PLXNA3: variants seen among roughly 807,000 people sequenced by gnomAD.
PLXNA3 encodes the protein plexin A3.
In PLXNA3, 52 loss-of-function variants were observed where a neutral mutation model predicts 118.8. That is an observed-to-expected ratio of 0.44 (90% CI 0.35 to 0.55). The LOEUF is 0.55. PLXNA3 is among the 20% of genes least tolerant of loss of function. PLXNA3 has a pLI of 0.01. For synonymous variants in PLXNA3, 925 were observed against 762.4 expected (o/e 1.21, Z -3.51); for missense variants, 1,660 against 1,730.8 (o/e 0.96, Z 0.73).
At chrX:154,472,091 AGAGGG>A (rs782341046) in intron 32 of PLXNA3, among the ~76,000 whole-genome samples, 5 of 111,002 alleles carry the variant, frequency 4.5e-5, no homozygotes, top group Non-Finnish European at 9.5e-5. Context: ...CAGGACACAA[AGAGGG>A]GAGGGGAGGG....
chrX:154,460,139 C>A lies in PLXNA3; in HGVS notation c.-27-18C>A, dbSNP rs371884925. On this transcript the variant is annotated intron_variant, in intron 1 of 32. Coordinates refer to ENST00000369682, the MANE Select transcript of PLXNA3 (RefSeq NM_017514.5). ...TGTGGCTCGAGGCCTCTGACTCCCA[C>A]ACACCGTCTCTCCCTAGGCCTGTCC... 3.2e-6 allele frequency: 3 copies of A among 951,629 alleles called. No individual in the cohort carries two copies. Among genetic ancestry groups the A allele is most frequent in the Non-Finnish European group, 4.4e-6 (3 of 675,103 alleles). 78.4% of individuals were successfully genotyped at this position (951,629 alleles called of 1,213,427 possible). A position where few individuals can be genotyped will look rare whatever the true frequency, so the allele number is the denominator to read the frequency against.
chrX:154,460,191 C>G lies in PLXNA3; in HGVS notation c.8C>G (p.Ser3Cys), dbSNP rs1426027299. The G allele has an allele frequency of 8.3e-7, 1 of 1,202,704 alleles. No homozygotes were observed. The highest frequency in any genetic ancestry group is 1.7e-5 in the African/African-American group (1 of 57,812). MP[S>C]VCLLLLLFLA... is the part of the protein sequence containing the mutation. ...CAGGCGCGGCTGCCGGCCATGCCCT[C>G]TGTCTGCCTCCTCCTGCTGCTCTTC... Residue 3 changes from serine to cysteine, a missense_variant, in exon 2 of 33, where the codon TCT becomes TGT. Physicochemically the swap from Ser to Cys is moderately radical, Grantham distance 112. Coordinates refer to ENST00000369682, the MANE Select transcript of PLXNA3 (RefSeq NM_017514.5).
intron 1 of PLXNA3, among the ~76,000 whole-genome samples, chrX:154,459,166 T>A (rs1240985543): frequency 5.0e-5 from 4 of 80,511 alleles, no homozygotes; most frequent in South Asian, 6.4e-4. Context: ...CACCCCCCGC[T>A]CCCCCCCCGC....
intron 5 of PLXNA3, 35 bp from the exon 6 acceptor site, chrX:154,463,555 G>A (rs782128747): frequency 2.1e-4 from 248 of 1,162,566 alleles, no homozygotes; most frequent in Middle Eastern, 9.7e-4. Context: ...GTGGTGGGGC[G>A]GGGGTGGGCT....
chrX:154,465,626 G>A (rs2069068709), intron 12 of PLXNA3, 31 bp from the exon 13 acceptor site: 2 of 1,195,734 alleles, frequency 1.7e-6, no homozygotes, highest in South Asian at 3.5e-5. Flanking sequence ...GCCACTGCCT[G>A]CTCCGTCAGC....
Position 154,472,746 on chromosome X carries a change from G to A in PLXNA3, c.*61G>A. ...CTGTGCCGTCCTCCCATCCAGGGGA[G>A]TGGCTGGCTCAAGCCTGGGTCCCCG... On this transcript the variant is annotated 3_prime_UTR_variant, in exon 33 of 33. Transcript: ENST00000369682. 1.1e-6 allele frequency: 1 copy of A among 902,113 alleles called. No homozygotes were observed. The highest frequency in any genetic ancestry group is 1.6e-6 in the Non-Finnish European group (1 of 617,496). The allele number at this position is 902,113 out of a possible 1,213,427, so 74.3% of individuals were successfully genotyped here. A position where few individuals can be genotyped will look rare whatever the true frequency, so the allele number is the denominator to read the frequency against.
chrX:154,466,589 C>A, intron 16 of PLXNA3, 34 bp from the exon 17 acceptor site: 1 of 1,190,608 alleles, frequency 8.4e-7, no homozygotes, highest in Non-Finnish European at 1.1e-6. Context: ...GGGCCCTGGG[C>A]CACCCGCTCC....
At position 154,469,988 on chromosome X, in the gene PLXNA3, C is replaced by T. The variant is rs1037029783; in HGVS notation, c.4807C>T (p.Arg1603Cys). ...ATTCTCTGCTCCAGAGAGCTTGCTC[C>T]GCACGGCCAGCAGCCCTGATAGCCT... ...RSLSRYESLL[R>C]TASSPDSLRS... Residue 1603 changes from arginine to cysteine, a missense_variant, in exon 29 of 33, where the codon CGC (arginine) becomes TGC (cysteine). Transcript: ENST00000369682. 8 of 1,209,690 alleles carry T rather than the reference C, an allele frequency of 6.6e-6. No homozygotes were observed. The highest frequency in any genetic ancestry group is 3.0e-5 in the East Asian group (1 of 33,791).
chrX:154,462,089 G>A (rs782655373), intron 3 of PLXNA3, 39 bp from the exon 4 acceptor site: 1 of 1,115,202 alleles, frequency 9.0e-7, no homozygotes, highest in Non-Finnish European at 1.2e-6. Context: ...TTGCGCCTGG[G>A]AGCTTTGACT....
intron 4 of PLXNA3, among the ~76,000 whole-genome samples, chrX:154,463,110 G>A (rs967896366): frequency 7.2e-5 from 8 of 111,183 alleles, no homozygotes; most frequent in Admixed American, 2.9e-4. Flanking sequence ...CACAACCATC[G>A]CCACTACCTC....
At position 154,461,478 on chromosome X, in the gene PLXNA3, A is replaced by C. The variant is rs781972092; in HGVS notation, c.974A>C (p.Gln325Pro). ...CTCTTCACCATCTTCTCTCAGGGCCAGAAGAACCGGGCCAGCCCACCCCGG... is the reference window on the plus strand; with the variant it reads ...CTCTTCACCATCTTCTCTCAGGGCCCGAAGAACCGGGCCAGCCCACCCCGG... ...DVLFTIFSQGQKNRASPPRQT... is the reference protein window; with the variant it reads ...DVLFTIFSQGPKNRASPPRQT... Residue 325 changes from glutamine (Q) to proline (P), a missense_variant, in exon 3 of 33, where the codon CAG becomes CCG. This residue lies in a region of PLXNA3 where 791 missense variants were observed against 652.1 expected (regional missense o/e 1.21). Transcript: ENST00000369682. 2.8e-5 allele frequency: 34 copies of C among 1,210,960 alleles called. No homozygotes were observed. Among genetic ancestry groups the C allele is most frequent in the Non-Finnish European group, 6.7e-6 (6 of 895,330 alleles).
In PLXNA3 at chrX:154,460,571, A is replaced by G. The variant is rs1488128306; in HGVS notation, c.388A>G (p.Lys130Glu). The change falls in exon 2 of 33, where the codon AAG (lysine) becomes GAG (glutamate). Residue 130 changes from lysine (K) to glutamate (E), a missense_variant. This residue lies in a region of PLXNA3 where 791 missense variants were observed against 652.1 expected (regional missense o/e 1.21). Transcript: ENST00000369682. ...CQFLRLDDLF[K>E]LGEPHHRKEH... is the part of the protein sequence containing the mutation. ...GTTCCTGCGTCTGGACGACCTCTTC[A>G]AGCTGGGTGAGCCGCACCACCGCAA... 1 of 1,207,401 alleles carries G rather than the reference A, an allele frequency of 8.3e-7. No homozygotes were observed. The highest frequency in any genetic ancestry group is 1.1e-6 in the Non-Finnish European group (1 of 893,446).
In PLXNA3 at chrX:154,468,175, G is replaced by A. The variant is rs148059076; in HGVS notation, c.3914G>A (p.Arg1305His). The A allele has an allele frequency of 1.3e-4, 152 of 1,185,641 alleles. No homozygotes were observed. The highest frequency in any genetic ancestry group is 1.6e-4 in the Non-Finnish European group (145 of 881,950). ...PFLDYRTYAV[R>H]VLFPGIEAHP... is the part of the protein sequence containing the mutation. Reference sequence around the variant, plus strand: ...CTGGACTACCGGACTTACGCCGTGCGCGTGCTCTTCCCGGGCATCGAGGCC... The same window carrying A: ...CTGGACTACCGGACTTACGCCGTGCACGTGCTCTTCCCGGGCATCGAGGCC... Residue 1305 changes from arginine (R) to histidine (H), a missense_variant, in exon 22 of 33, where the codon CGC (arginine) becomes CAC (histidine). This residue lies in a region of PLXNA3 where 869 missense variants were observed against 1,078.7 expected (regional missense o/e 0.81). Transcript: ENST00000369682.
At position 154,467,569 on chromosome X, in the gene PLXNA3, G is replaced by T. The variant is rs145800483; in HGVS notation, c.3466G>T (p.Ala1156Ser). 7.6e-6 allele frequency: 9 copies of T among 1,191,627 alleles called. No homozygotes were observed. The African/African-American group carries it at 1.4e-4, about 19-fold the overall frequency. ...GGGCAAGAACCTGATTCCCGCTGCA[G>T]CCGGCAGCTCCCGCCTCAACTACAC... ...LKGKNLIPAA[A>S]GSSRLNYTVL... The change falls in exon 20 of 33, where the codon GCC (alanine) becomes TCC (serine). Residue 1156 changes from alanine to serine, a missense_variant. By Grantham distance (99) the Ala-to-Ser change is moderately conservative. This residue lies in a region of PLXNA3 where 869 missense variants were observed against 1,078.7 expected (regional missense o/e 0.81). Transcript: ENST00000369682.
In PLXNA3 at chrX:154,467,339, C is replaced by T. The variant is rs781890418; in HGVS notation, c.3309C>T (p.Phe1103=). The T allele has an allele frequency of 1.2e-4, 139 of 1,204,945 alleles. 2 individuals are homozygous for T. The South Asian group carries it at 1.2e-3, about 11-fold the overall frequency. The change falls in exon 19 of 33, where the codon TTC becomes TTT. Residue 1103 remains phenylalanine, a synonymous_variant. Coordinates refer to ENST00000369682, the MANE Select transcript of PLXNA3 (RefSeq NM_017514.5). Reference sequence around the variant, plus strand: ...GCGAGCACCCTGATGAGTTTGGCTTCCTGCTGGACCACGTGCAAACGGCCC... The same window carrying T: ...GCGAGCACCCTGATGAGTTTGGCTTTCTGCTGGACCACGTGCAAACGGCCC... ...AQGEHPDEFG[F]LLDHVQTARS...
chrX:154,471,843 A>G (rs1046083274), intron 32 of PLXNA3, among the ~76,000 whole-genome samples: 6 of 112,803 alleles, frequency 5.3e-5, no homozygotes, highest in African/African-American at 9.7e-5. Context: ...GCTGGGTACA[A>G]AGTGGCCACT....
Position 154,469,036 on chromosome X carries a change from G to A in PLXNA3, c.4435-20G>A, listed in dbSNP as rs1557208466. The A allele has an allele frequency of 1.3e-5, 16 of 1,210,718 alleles. No homozygotes were observed. Among genetic ancestry groups the A allele is most frequent in the Non-Finnish European group, 1.7e-5 (15 of 894,865 alleles). ...AGAGGCCTCGCCCCAGACTGACACT[G>A]GAGTCCGCTTTCCCCTCAGACCCTT... On this transcript the variant is annotated intron_variant, in intron 25 of 32. Transcript: ENST00000369682.
In PLXNA3 at chrX:154,462,136, G is replaced by T. The variant is rs781808164; in HGVS notation, c.1143G>T (p.Gln381His). 2.5e-6 allele frequency: 3 copies of T among 1,194,445 alleles called. No homozygotes were observed. The highest frequency in any genetic ancestry group is 3.4e-6 in the Non-Finnish European group (3 of 886,397). Reference sequence around the variant, plus strand: ...CTCCTCTGTTTCACCAGCCCATGCAGATCAACGGCAACTTCTGTGGGCTGG... The same window carrying T: ...CTCCTCTGTTTCACCAGCCCATGCATATCAACGGCAACTTCTGTGGGCTGG... ...KELPCINTPM[Q>H]INGNFCGLVL... The change falls in exon 4 of 33, where the codon CAG becomes CAT. Residue 381 changes from glutamine (Q) to histidine (H), a missense_variant. Physicochemically the swap from Gln to His is conservative, Grantham distance 24 (BLOSUM62 0). Coordinates refer to ENST00000369682, the MANE Select transcript of PLXNA3 (RefSeq NM_017514.5).
At position 154,464,998 on chromosome X, in the gene PLXNA3, G is replaced by T. The variant is rs782292342; in HGVS notation, c.2044-20G>T. On this transcript the variant is annotated intron_variant, in intron 10 of 32. Transcript: ENST00000369682. The stretch of plus-strand genomic sequence containing the variant: ...GAGAAGGGTGGCCCTGTGTGCAGCT[G>T]ACAGGTGCTTTCCCCGCAGGGCTGC... 8.5e-7 allele frequency: 1 copy of T among 1,170,993 alleles called. No individual in the cohort carries two copies. Among genetic ancestry groups the T allele is most frequent in the South Asian group, 1.9e-5 (1 of 53,807 alleles).
Sources: gnomAD v4.1 joint callset for allele counts (sites outside exome capture counted in the v4.1 genomes callset) on GRCh38, gnomAD v4.1.1 for gene constraint, gnomAD v4.1.1 regional missense constraint, MANE v1.5 for transcripts, NCBI Gene and HGNC (gene_info 2026-07-23, HGNC 2026-07-21) for gene names.